Variants in RPGR observed in about 807,000 individuals in gnomAD.
RPGR encodes retinitis pigmentosa GTPase regulator.
A neutral mutation model predicts 56.3 loss-of-function variants in RPGR; 10 were observed. That is an observed-to-expected ratio of 0.18 (90% CI 0.11 to 0.30). RPGR has a LOEUF of 0.30. Among genes scored for constraint, RPGR ranks in the 10% least tolerant of loss-of-function variants. The pLI, the probability that RPGR is intolerant of heterozygous loss-of-function variation, is 1.00. For missense variants in RPGR, 538 were observed against 590.9 expected, an observed-to-expected ratio of 0.91 and a Z score of 0.93; for synonymous variants, 197 against 212.9, an observed-to-expected ratio of 0.93 and a Z score of 0.65.
chrX:38,292,542 T>A (rs1035854902), intron 11 of RPGR, among the ~76,000 whole-genome samples: 4 of 112,312 alleles, frequency 3.6e-5, no homozygotes, highest in African/African-American at 9.7e-5. Flanking sequence ...ATCCACTGAA[T>A]TGAATGAGCA....
intron 7 of RPGR, among the ~76,000 whole-genome samples, chrX:38,305,542 T>G (rs776803776): frequency 9.0e-6 from 1 of 110,686 alleles, no homozygotes; most frequent in South Asian, 3.8e-4. Flanking sequence ...GGTCAGGAGT[T>G]GGAGAAGAGT....
intron 13 of RPGR, among the ~76,000 whole-genome samples, chrX:38,288,615 G>T (rs1372883142): frequency 9.0e-6 from 1 of 110,936 alleles, no homozygotes; most frequent in Non-Finnish European, 1.9e-5. Context: ...TGAGGCAGGA[G>T]AATTGCTTGA....
At chrX:38,285,867 TTCTCCTTCCTCCTCTCCTTCCTCTTCC>T (rs1460348809) in intron 15 of RPGR, 10 of 1,201,395 alleles carry the variant, frequency 8.3e-6, no homozygotes, top group South Asian at 1.8e-5. Context: ...TTTCCCTTTC[TTCTCCTTCCTCCTCTCCTTCCTCTTCC>T]TCTCCTTCCC....
rs2067695640 is a variant in RPGR at position 38,310,554 on chromosome X, TA to T, written c.778+60del. The T allele has an allele frequency of 3.5e-6, 4 of 1,135,373 alleles. No homozygotes were observed. In the South Asian group the frequency reaches 7.5e-5, roughly 21 times the overall value. The allele number at this position is 1,135,373 out of a possible 1,213,427, so 93.6% of individuals were successfully genotyped here. On this transcript the variant is annotated intron_variant, in intron 7 of 18. Coordinates refer to ENST00000642395, the MANE Select transcript of RPGR (RefSeq NM_000328.3). Reference sequence around the variant, plus strand: ...AAATGAACATAAAAAAAATGAACATTAAAAAAATTTCATTAGCCACCACAGA... The same window carrying T: ...AAATGAACATAAAAAAAATGAACATTAAAAAATTTCATTAGCCACCACAGA...
At chrX:38,289,250 C>T (rs2067244027) in intron 13 of RPGR, among the ~76,000 whole-genome samples, 1 of 111,962 alleles carries the variant, frequency 8.9e-6, no homozygotes, top group Non-Finnish European at 1.9e-5. Flanking sequence ...CTTTTCTAAA[C>T]AAAATCTTCA....
chrX:38,321,298 T>C (rs779123008), intron 3 of RPGR, among the ~76,000 whole-genome samples: 1 of 111,473 alleles, frequency 9.0e-6, no homozygotes, highest in Admixed American at 9.5e-5. Context: ...ATAGATATCT[T>C]AGCCCCACCC....
chrX:38,284,828 G>A, intron 15 of RPGR: 1 of 750,195 alleles, frequency 1.3e-6, no homozygotes, highest in Non-Finnish European at 1.6e-6. Flanking sequence ...ACCTTTGCCT[G>A]GACAAAAAAT....
In RPGR at chrX:38,288,638, G is replaced by A. The variant is rs1029256267; in HGVS notation, c.1573-597C>T. ...GAGAATTGCTTGAACCCGGGAGGCAGAGGTTGCAGTGAGCCAAGATTGTGC... is the reference window on the plus strand; with the variant it reads ...GAGAATTGCTTGAACCCGGGAGGCAAAGGTTGCAGTGAGCCAAGATTGTGC... On this transcript the variant is annotated intron_variant, in intron 13 of 18. Coordinates refer to ENST00000642395, the MANE Select transcript of RPGR (RefSeq NM_000328.3). Among the ~76,000 whole-genome samples, 4 of 111,438 alleles carry A rather than the reference G, an allele frequency of 3.6e-5. No homozygotes were observed. In the Admixed American group the frequency reaches 3.8e-4, roughly 11 times the overall value.
intron 9 of RPGR, among the ~76,000 whole-genome samples, chrX:38,300,778 G>A (rs895810677): frequency 2.7e-5 from 3 of 111,935 alleles, no homozygotes; most frequent in South Asian, 7.4e-4. Flanking sequence ...CAGGTGATCC[G>A]CCCGCCTTGG....
At chrX:38,278,510 G>C (rs138203101) in intron 15 of RPGR, among the ~76,000 whole-genome samples, 1 of 112,434 alleles carries the variant, frequency 8.9e-6, no homozygotes, top group East Asian at 2.8e-4. Context: ...CAAAGTGCTA[G>C]GATTACAAGC....
chrX:38,297,326 T>A lies in RPGR; in HGVS notation c.1372A>T (p.Ser458Cys). The A allele has an allele frequency of 8.3e-7, 1 of 1,210,542 alleles. No individual in the cohort carries two copies. Among genetic ancestry groups the A allele is most frequent in the Non-Finnish European group, 1.1e-6 (1 of 895,184 alleles). Residue 458 changes from serine (S) to cysteine (C), a missense_variant, in exon 11 of 19, where the codon AGT becomes TGT. Ser to Cys is a moderately radical substitution (Grantham distance 112). Transcript: ENST00000642395. ...ATGAGGTCCTGTTCAGATAAGACAC[T>A]CTCTTGGAGGTTTCTCTCAGAACAT...
At chrX:38,321,368 A>C (rs1055985724) in intron 3 of RPGR, among the ~76,000 whole-genome samples, 1 of 111,561 alleles carries the variant, frequency 9.0e-6, no homozygotes, top group Non-Finnish European at 1.9e-5. Context: ...ATATAATTAT[A>C]AACTCCACAG....
At chrX:38,308,177 T>C (rs1162460582) in intron 7 of RPGR, 1 of 111,832 alleles carries the variant, frequency 8.9e-6, no homozygotes, top group Non-Finnish European at 1.9e-5. Context: ...CACTTCTTTC[T>C]TGCATCTGTA....
chrX:38,277,371 G>T (rs768692071), intron 15 of RPGR, among the ~76,000 whole-genome samples: 1 of 111,751 alleles, frequency 8.9e-6, no homozygotes, highest in African/African-American at 3.2e-5. Context: ...AACGATAAAA[G>T]AGGCTGTCTA....
intron 3 of RPGR, 93 bp downstream of exon 3, chrX:38,322,760 A>G (rs1257125722): frequency 5.9e-6 from 4 of 673,719 alleles, no homozygotes; most frequent in Admixed American, 2.5e-5. Flanking sequence ...AAAATAAAGA[A>G]CTAAAAGCTT....
intron 1 of RPGR, 36 bp downstream of exon 1, chrX:38,327,280 GCCCGGCCGCCCGCGGACCCTCCCT>G (rs2068067062): frequency 8.9e-7 from 1 of 1,118,006 alleles, no homozygotes; most frequent in African/African-American, 1.8e-5. Context: ...CGGAGGCGGG[GCCCGGCCGCCCGCGGACCCTCCCT>G]CCCGGCCTTC....
At chrX:38,286,550 C>A in intron 15 of RPGR, 6 of 1,087,984 alleles carry the variant, frequency 5.5e-6, no homozygotes, top group Non-Finnish European at 7.2e-6. Context: ...TCTACTTCCC[C>A]TCCCTCTACT....
At chrX:38,292,477 C>T (rs891480117) in intron 11 of RPGR, among the ~76,000 whole-genome samples, 4 of 111,813 alleles carry the variant, frequency 3.6e-5, no homozygotes, top group Non-Finnish European at 7.5e-5. Flanking sequence ...GGACGTAGCT[C>T]CTTAATGAAG....
In RPGR at chrX:38,318,938, C is replaced by A; in HGVS notation, c.360G>T (p.Gly120=). ...TGTTTCTTTCTTCGGTGTCACCAAG[C>A]CCCAACTGTCCTTCATTATTTCCAC... Residue 120 remains glycine, a synonymous_variant, in exon 5 of 19, where the codon GGG becomes GGT. Coordinates refer to ENST00000642395, the MANE Select transcript of RPGR (RefSeq NM_000328.3). 2 of 1,211,781 alleles carry A rather than the reference C, an allele frequency of 1.7e-6. No individual in the cohort carries two copies. Among genetic ancestry groups the A allele is most frequent in the African/African-American group, 3.5e-5 (2 of 57,844 alleles).
Sources: allele counts gnomAD v4.1 joint callset (sites outside exome capture counted in the v4.1 genomes callset), GRCh38; gene constraint gnomAD v4.1.1; transcripts MANE v1.5; gene names NCBI Gene and HGNC (gene_info 2026-07-23, HGNC 2026-07-21).